Variants in PCDHGA11 observed in about 807,000 individuals in gnomAD.
PCDHGA11 encodes the protein protocadherin gamma subfamily A, 11.
PCDHGA11 carries 39 observed loss-of-function variants against 60.4 expected under a neutral mutation model. The observed-to-expected ratio is 0.65, with a 90% confidence interval of 0.50 to 0.84. PCDHGA11 has a LOEUF of 0.84. Ranked by LOEUF, PCDHGA11 falls within the 40% of genes least tolerant of loss-of-function variation. PCDHGA11 has a pLI of 0.00. For missense variants in PCDHGA11, 1,165 were observed against 1,197.7 expected, an observed-to-expected ratio of 0.97 and a Z score of 0.40; for synonymous variants, 533 against 510.3, an observed-to-expected ratio of 1.04 and a Z score of -0.60.
Position 141,476,908 on chromosome 5 carries a change from A to T in PCDHGA11, c.2434-17899A>T. ...ATGCACCCTCCGGCACGCGCGTGGT[A>T]CAAGTCCTTGCAACGGATCTGGATG... is the stretch of plus-strand genomic sequence containing the variant. On this transcript the variant is annotated intron_variant, in intron 1 of 3. Coordinates refer to ENST00000398587, the MANE Select transcript of PCDHGA11 (RefSeq NM_018914.3). This position sits in a 1 kb window ranked among gnomAD's most constrained non-coding sequence, Gnocchi z 7.6. The T allele has an allele frequency of 1.2e-6, 2 of 1,614,050 alleles. No individual in the cohort carries two copies. The highest frequency in any genetic ancestry group is 1.7e-6 in the Non-Finnish European group (2 of 1,180,038).
chr5:141,461,389 G>T (rs2099014363), intron 1 of PCDHGA11, among the ~76,000 whole-genome samples: 1 of 152,110 alleles, frequency 6.6e-6, no homozygotes. Context: ...CTGATGATTA[G>T]CGATGTTGAG....
chr5:141,481,436 T>C (rs775003998), intron 1 of PCDHGA11, among the ~76,000 whole-genome samples: 5 of 152,220 alleles, frequency 3.3e-5, no homozygotes, highest in South Asian at 2.1e-4. Flanking sequence ...ATTGTATCAG[T>C]TTAGTACATG....
rs62378456 is a variant in PCDHGA11, at chr5:141,423,156, C to T, written c.1929C>T (p.Leu643=). 55,171 of 1,613,388 alleles carry T rather than the reference C, an allele frequency of 0.034. 1,070 individuals carry two copies. The highest frequency in any genetic ancestry group is 0.098 in the Middle Eastern group (594 of 6,056). The change falls in exon 1 of 4, where the codon CTC becomes CTT. Residue 643 remains leucine, a synonymous_variant. Coordinates refer to ENST00000398587, the MANE Select transcript of PCDHGA11 (RefSeq NM_018914.3). The stretch of plus-strand genomic sequence containing the variant: ...ACAGAGACGCGCTCAAGCAGAGCCT[C>T]GTGGTGGCCGTCCAGGACCACGGCC... ...LLDRDALKQS[L]VVAVQDHGQP... is the part of the protein sequence containing the mutation.
chr5:141,436,781 A>C (rs1041532929), intron 1 of PCDHGA11, among the ~76,000 whole-genome samples: 1 of 152,236 alleles, frequency 6.6e-6, no homozygotes, highest in Admixed American at 6.5e-5. Flanking sequence ...TGTGGATGGA[A>C]ATAAAACTGT....
chr5:141,502,866 CTTTT>C (rs549047197), intron 2 of PCDHGA11, among the ~76,000 whole-genome samples: 1 of 128,042 alleles, frequency 7.8e-6, no homozygotes. Context: ...GACTCTCTGT[CTTTT>C]TTTTTTTTTT....
chr5:141,491,659 G>A lies in PCDHGA11; in HGVS notation c.2434-3148G>A. On this transcript the variant is annotated intron_variant, in intron 1 of 3. Transcript: ENST00000398587. This position sits in a 1 kb window ranked among gnomAD's most constrained non-coding sequence, Gnocchi z 6.9. ...CACAGCTCTGGCGCTGGAGCCTGACGCCATCCGGTCCCGCTCTAATACGCT... is the reference window on the plus strand; with the variant it reads ...CACAGCTCTGGCGCTGGAGCCTGACACCATCCGGTCCCGCTCTAATACGCT... 6.2e-7 allele frequency: 1 copy of A among 1,613,766 alleles called. No homozygotes were observed. The highest frequency in any genetic ancestry group is 8.5e-7 in the Non-Finnish European group (1 of 1,180,004).
chr5:141,495,005 CG>C (rs2099758180), intron 2 of PCDHGA11, 140 bp downstream of exon 2: 2 of 1,522,694 alleles, frequency 1.3e-6, no homozygotes, highest in African/African-American at 1.4e-5. Context: ...TCTTGGTGTG[CG>C]GGGGGCTGGC....
At chr5:141,494,583 G>A (rs2099755431) in intron 1 of PCDHGA11, among the ~76,000 whole-genome samples, 1 of 152,152 alleles carries the variant, frequency 6.6e-6, no homozygotes, top group Non-Finnish European at 1.5e-5. Flanking sequence ...CTTGCTCACT[G>A]TGGTCAGATG....
chr5:141,498,578 G>T (rs1404493166), intron 2 of PCDHGA11, among the ~76,000 whole-genome samples: 1 of 152,048 alleles, frequency 6.6e-6, no homozygotes, highest in African/African-American at 2.4e-5. Flanking sequence ...CTAGTATTGA[G>T]TTCTTCAGTA....
intron 2 of PCDHGA11, among the ~76,000 whole-genome samples, chr5:141,500,939 G>T (rs2099804123): frequency 6.6e-6 from 1 of 151,680 alleles, no homozygotes; most frequent in South Asian, 2.1e-4. Context: ...CGCCATCTCG[G>T]CTCACTGCAA....
At chr5:141,426,517 A>G (rs893782433) in intron 1 of PCDHGA11, 5 of 343,020 alleles carry the variant, frequency 1.5e-5, no homozygotes, top group African/African-American at 2.1e-5. Context: ...CTTTACCGTG[A>G]ACACGGAGAA....
intron 1 of PCDHGA11, among the ~76,000 whole-genome samples, chr5:141,482,530 C>CAAAAAAAAAA (rs3074545): frequency 1.2e-3 from 90 of 76,428 alleles, no homozygotes; most frequent in African/African-American, 1.7e-3. Context: ...GACAGACATG[C>CAAAAAAAAAA]AAAAAAAAAA....
intron 1 of PCDHGA11, chr5:141,427,795 C>A: frequency 6.7e-7 from 1 of 1,499,260 alleles, no homozygotes; most frequent in Non-Finnish European, 9.2e-7. Context: ...TCCTACGTGT[C>A]CGTGAGCGCA....
chr5:141,468,330 C>CAAAAAAAAAAA (rs533390277), intron 1 of PCDHGA11: 4 of 79,798 alleles, frequency 5.0e-5, no homozygotes, highest in Non-Finnish European at 1.1e-4. Flanking sequence ...AACTCCATCT[C>CAAAAAAAAAAA]AAAAAAAAAA....
chr5:141,443,457 G>C (rs977253701), intron 1 of PCDHGA11, among the ~76,000 whole-genome samples: 12 of 152,194 alleles, frequency 7.9e-5, no homozygotes, highest in Non-Finnish European at 1.3e-4. Flanking sequence ...CTGTACTCCA[G>C]TCTGGGTGAC....
At position 141,489,125 on chromosome 5, in the gene PCDHGA11, G is replaced by T. The variant is rs537146985; in HGVS notation, c.2434-5682G>T. 1.1e-4 allele frequency: 77 copies of T among 728,124 alleles called. No individual in the cohort carries two copies. The East Asian group carries it at 1.9e-3, about 18-fold the overall frequency. 45.1% of individuals were successfully genotyped at this position (728,124 alleles called of 1,614,324 possible). A position where few individuals can be genotyped will look rare whatever the true frequency, so the allele number is the denominator to read the frequency against. ...CTGCAAGCAGGCAAACCTCCGAGCAGTTTTTAAGAGGCTGGAAGGAGACAT... is the reference window on the plus strand; with the variant it reads ...CTGCAAGCAGGCAAACCTCCGAGCATTTTTTAAGAGGCTGGAAGGAGACAT... On this transcript the variant is annotated intron_variant, in intron 1 of 3. Coordinates refer to ENST00000398587, the MANE Select transcript of PCDHGA11 (RefSeq NM_018914.3). The surrounding 1 kb of genome is among the most constrained non-coding windows in gnomAD (Gnocchi z 4.5).
At position 141,478,749 on chromosome 5, in the gene PCDHGA11, G is replaced by A. The variant is rs1306895064; in HGVS notation, c.2434-16058G>A. On this transcript the variant is annotated intron_variant, in intron 1 of 3. Coordinates refer to ENST00000398587, the MANE Select transcript of PCDHGA11 (RefSeq NM_018914.3). ...GAGTGTGGTTTGTGGTCCCATTTCA[G>A]GGGGAAGATACTTGACTCATCTGTG... The A allele has an allele frequency of 3.3e-6, 5 of 1,524,326 alleles. No homozygotes were observed. The South Asian group carries it at 6.4e-5, about 19-fold the overall frequency. The allele number at this position is 1,524,326 out of a possible 1,614,324, so 94.4% of individuals were successfully genotyped here.
chr5:141,511,202 C>T lies in PCDHGA11; in HGVS notation c.*29C>T, dbSNP rs201024828. 2.0e-3 allele frequency: 3,296 copies of T among 1,612,132 alleles called. 7 individuals carry two copies. Among genetic ancestry groups the T allele is most frequent in the Middle Eastern group, 0.013 (77 of 6,006 alleles). On this transcript the variant is annotated 3_prime_UTR_variant, in exon 4 of 4. Coordinates refer to ENST00000398587, the MANE Select transcript of PCDHGA11 (RefSeq NM_018914.3). ...GGAGGCCAGGCCAAGAGCCACAGGG[C>T]GGCCTCTCCCCAACCAGCCCAGCTT...
intron 1 of PCDHGA11, among the ~76,000 whole-genome samples, chr5:141,470,142 A>G (rs1308458765): frequency 6.6e-6 from 1 of 152,044 alleles, no homozygotes; most frequent in Non-Finnish European, 1.5e-5. Context: ...AAAAAAGATC[A>G]TAGATCATCT....
Sources: allele counts gnomAD v4.1 joint callset (sites outside exome capture counted in the v4.1 genomes callset), GRCh38; gene constraint gnomAD v4.1.1; non-coding constraint Gnocchi (gnomAD v3.1); transcripts MANE v1.5; gene names NCBI Gene and HGNC (gene_info 2026-07-23, HGNC 2026-07-21).